RCAN2: variants seen among roughly 807,000 people sequenced by gnomAD.
RCAN2 encodes regulator of calcineurin 2, also known as calcipressin-2.
In RCAN2, 9 loss-of-function variants were observed where a neutral mutation model predicts 23.6. The observed-to-expected ratio is 0.38, with a 90% CI of 0.23 to 0.67. RCAN2 has a LOEUF of 0.67. Ranked by LOEUF, RCAN2 falls within the 30% of genes least tolerant of loss-of-function variation. The pLI is 0.51. For missense variants in RCAN2, 273 were observed against 302.3 expected (o/e 0.90, Z 0.72); for synonymous variants, 109 against 115.7 (o/e 0.94, Z 0.37).
intron 2 of RCAN2, among the ~76,000 whole-genome samples, chr6:46,310,038 C>T (rs1344074421): frequency 6.6e-6 from 1 of 152,078 alleles, no homozygotes; most frequent in Non-Finnish European, 1.5e-5. Context: ...ATATACTACC[C>T]ATCCCTGGTA....
intron 1 of RCAN2, among the ~76,000 whole-genome samples, chr6:46,482,592 A>G (rs1189792614): frequency 6.6e-6 from 1 of 152,196 alleles, no homozygotes; most frequent in African/African-American, 2.4e-5. Context: ...TTTCTTTCCT[A>G]AAAGATATGC....
Position 46,248,749 on chromosome 6 carries a change from T to C in RCAN2, c.373A>G (p.Lys125Glu). Reference protein sequence around the residue: ...IELHETQFRGKKLKLYFAQVQ... With the variant: ...IELHETQFRGEKLKLYFAQVQ... ...TGTGCAAAGTAGAGCTTTAATTTTT[T>C]CCCTCTGAATTGGGTTTCATGAAGC... Residue 125 changes from lysine to glutamate, a missense_variant, in exon 3 of 5, where the codon AAA becomes GAA. Physicochemically the swap from Lys to Glu is moderately conservative, Grantham distance 56 (BLOSUM62 1). Coordinates refer to ENST00000371374, the MANE Select transcript of RCAN2 (RefSeq NM_001251974.2). 2 of 1,610,700 alleles carry C rather than the reference T, an allele frequency of 1.2e-6. No homozygotes were observed. Among genetic ancestry groups the C allele is most frequent in the Non-Finnish European group, 1.7e-6 (2 of 1,178,990 alleles).
chr6:46,243,473 C>T (rs1766381593), intron 4 of RCAN2, among the ~76,000 whole-genome samples: 1 of 152,108 alleles, frequency 6.6e-6, no homozygotes, highest in Non-Finnish European at 1.5e-5. Flanking sequence ...ATTTACCAGA[C>T]ACTAGGTTAG....
intron 1 of RCAN2, among the ~76,000 whole-genome samples, chr6:46,490,515 G>A (rs1222879474): frequency 6.6e-6 from 1 of 152,190 alleles, no homozygotes; most frequent in Non-Finnish European, 1.5e-5. Flanking sequence ...CGAGGGATCA[G>A]GCGGCTGGGA....
chr6:46,378,924 A>G (rs900125230), intron 2 of RCAN2, among the ~76,000 whole-genome samples: 1 of 152,212 alleles, frequency 6.6e-6, no homozygotes, highest in African/African-American at 2.4e-5. Context: ...ACTTTTGGTC[A>G]ATCTAGAGGG....
rs531308664 is a variant in RCAN2, at chr6:46,299,754, G to T, written c.226-50858C>A. On this transcript the variant is annotated intron_variant, in intron 2 of 4. Transcript: ENST00000371374. ...AAGTGAATACAACCTACCCTCACTG[G>T]GTTATTGTGAGGATTGAATGAGTCA... is the stretch of plus-strand genomic sequence containing the variant. 9.9e-4 allele frequency among the ~76,000 whole-genome samples: 150 copies of T among 151,880 alleles called. 1 individual carries two copies. The highest frequency in any genetic ancestry group is 3.4e-3 in the African/African-American group (139 of 41,442).
chr6:46,336,266 G>A (rs1764139067), intron 2 of RCAN2, among the ~76,000 whole-genome samples: 1 of 152,200 alleles, frequency 6.6e-6, no homozygotes, highest in African/African-American at 2.4e-5. Flanking sequence ...CACTGCTGGT[G>A]ACATTGTAGA....
chr6:46,276,236 C>G (rs1330623676), intron 2 of RCAN2, among the ~76,000 whole-genome samples: 3 of 51,928 alleles, frequency 5.8e-5, no homozygotes, highest in African/African-American at 2.0e-4. Flanking sequence ...AAACAAAAAC[C>G]AACTATGCAG....
chr6:46,278,594 A>G (rs964652982), intron 2 of RCAN2, among the ~76,000 whole-genome samples: 3 of 152,194 alleles, frequency 2.0e-5, no homozygotes, highest in African/African-American at 7.2e-5. Context: ...ATTATGGCCA[A>G]TTGTCCCATT....
At chr6:46,243,593 G>A (rs1438904344) in intron 4 of RCAN2, among the ~76,000 whole-genome samples, 2 of 151,960 alleles carry the variant, frequency 1.3e-5, no homozygotes, top group African/African-American at 4.8e-5. Context: ...GGTGGATCAC[G>A]AGGTCAGGAG....
intron 4 of RCAN2, among the ~76,000 whole-genome samples, chr6:46,225,135 G>T: frequency 6.6e-6 from 1 of 152,164 alleles, no homozygotes; most frequent in South Asian, 2.1e-4. Context: ...TGGCTGCATA[G>T]TATTCCATGG....
In RCAN2 at chr6:46,223,421, T is replaced by C. The variant is rs994108909; in HGVS notation, c.572-120A>G. ...CAGGGTCTCAGGAAGCCTGTGATCT[T>C]ATGCAGGGATGGCACAGGGTGTTGG... is the stretch of plus-strand genomic sequence containing the variant. On this transcript the variant is annotated intron_variant, in intron 4 of 4. Coordinates refer to ENST00000371374, the MANE Select transcript of RCAN2 (RefSeq NM_001251974.2). 1.2e-5 allele frequency: 10 copies of C among 862,176 alleles called. No individual in the cohort carries two copies. The African/African-American group carries it at 1.7e-4, about 15-fold the overall frequency. 53.4% of individuals were successfully genotyped at this position (862,176 alleles called of 1,614,324 possible).
intron 1 of RCAN2, among the ~76,000 whole-genome samples, chr6:46,489,605 G>A (rs1451097351): frequency 3.9e-5 from 6 of 152,192 alleles, no homozygotes; most frequent in Admixed American, 6.5e-5. Flanking sequence ...GAAAGCTCTC[G>A]AGTTCCCACT....
chr6:46,242,720 T>C (rs1766349740), intron 4 of RCAN2, among the ~76,000 whole-genome samples: 1 of 152,242 alleles, frequency 6.6e-6, no homozygotes, highest in African/African-American at 2.4e-5. Flanking sequence ...ACTAAATCAC[T>C]TTTTTAAAAA....
chr6:46,303,821 G>A (rs1762984823), intron 2 of RCAN2, among the ~76,000 whole-genome samples: 1 of 152,020 alleles, frequency 6.6e-6, no homozygotes, highest in Admixed American at 6.6e-5. Flanking sequence ...CCATCCCATT[G>A]ATGACTGGTG....
chr6:46,349,440 T>C (rs1054325940), intron 2 of RCAN2, among the ~76,000 whole-genome samples: 49 of 152,002 alleles, frequency 3.2e-4, no homozygotes, highest in African/African-American at 1.2e-3. Context: ...GGGACAGTAT[T>C]AGGAAAAATC....
chr6:46,469,384 C>A (rs1316702019), intron 1 of RCAN2, among the ~76,000 whole-genome samples: 4 of 152,176 alleles, frequency 2.6e-5, no homozygotes, highest in African/African-American at 9.7e-5. Flanking sequence ...GCAATTGGGA[C>A]CAGTTCACCA....
intron 2 of RCAN2, among the ~76,000 whole-genome samples, chr6:46,378,732 G>T (rs554740482): frequency 6.6e-6 from 1 of 152,128 alleles, no homozygotes; most frequent in Admixed American, 6.5e-5. Flanking sequence ...GTAGCAGCCC[G>T]TTAAACAGAT....
At chr6:46,464,847 A>C (rs929814084) in intron 1 of RCAN2, among the ~76,000 whole-genome samples, 2 of 152,154 alleles carry the variant, frequency 1.3e-5, no homozygotes, top group African/African-American at 4.8e-5. Context: ...TTAAGCTCCC[A>C]ATGGGCAATA....
Sources: gnomAD v4.1 joint callset for allele counts (sites outside exome capture counted in the v4.1 genomes callset) on GRCh38, gnomAD v4.1.1 for gene constraint, MANE v1.5 for transcripts, NCBI Gene and HGNC (gene_info 2026-07-23, HGNC 2026-07-21) for gene names.